The following PLAAT3 variants were observed in gnomAD, a reference collection of about 807,000 sequenced individuals.
PLAAT3 encodes the protein phospholipase A and acyltransferase 3.
PLAAT3 carries 21 observed loss-of-function variants against 16.7 expected under a neutral mutation model. The observed-to-expected ratio is 1.26, with a 90% CI of 0.89 to 1.81. The LOEUF is 1.81. Ranked by LOEUF, PLAAT3 falls within the 40% of genes most tolerant of loss-of-function variation. PLAAT3 has a pLI of 0.00. For missense variants in PLAAT3, 219 were observed against 213.7 expected, an observed-to-expected ratio of 1.02 and a Z score of -0.16; for synonymous variants, 76 against 81.7, an observed-to-expected ratio of 0.93 and a Z score of 0.38.
chr11:63,597,426 T>G (rs1938317268), intron 3 of PLAAT3, among the ~76,000 whole-genome samples: 1 of 152,074 alleles, frequency 6.6e-6, no homozygotes, highest in South Asian at 2.1e-4. Flanking sequence ...CTCAGGAGGC[T>G]GAGGCAGGAG....
chr11:63,578,159 T>C (rs1334515252), intron 4 of PLAAT3, among the ~76,000 whole-genome samples: 2 of 151,970 alleles, frequency 1.3e-5, no homozygotes, highest in Non-Finnish European at 2.9e-5. Flanking sequence ...GGTGCGCGCC[T>C]GTAATCCCAG....
intron 2 of PLAAT3, among the ~76,000 whole-genome samples, chr11:63,612,007 G>A (rs542476279): frequency 1.7e-4 from 26 of 152,058 alleles, no homozygotes; most frequent in African/African-American, 3.4e-4. Context: ...GCGCGGTGGC[G>A]CATGCCTGTA....
chr11:63,600,587 T>TTTTTGTTTTTTTTTG (rs1938401114), intron 2 of PLAAT3, among the ~76,000 whole-genome samples: 4 of 148,318 alleles, frequency 2.7e-5, no homozygotes, highest in African/African-American at 1.0e-4. Flanking sequence ...TTTTTTGTTT[T>TTTTTGTTTTTTTTTG]TTTTGTTTTG....
intron 4 of PLAAT3, among the ~76,000 whole-genome samples, chr11:63,582,205 G>A (rs983232397): frequency 2.6e-5 from 4 of 152,158 alleles, no homozygotes; most frequent in Admixed American, 2.6e-4. Context: ...GCAACTTCTG[G>A]AGGATGTGAT....
chr11:63,590,097 C>T lies in PLAAT3; in HGVS notation c.387+3G>A. 1 of 1,612,612 alleles carries T rather than the reference C, an allele frequency of 6.2e-7. No homozygotes were observed. The highest frequency in any genetic ancestry group is 8.5e-7 in the Non-Finnish European group (1 of 1,179,048). ...GGGAAGGCGACACAGGCAGAGGACG[C>T]ACCTGGTCACTGCGGGCGACTCCAT... On this transcript the variant is annotated splice_donor_region_variant and intron_variant, in intron 4 of 4. Transcript: ENST00000415826.
At chr11:63,586,693 G>A (rs1191107635) in intron 4 of PLAAT3, among the ~76,000 whole-genome samples, 1 of 151,650 alleles carries the variant, frequency 6.6e-6, no homozygotes, top group Non-Finnish European at 1.5e-5. Context: ...TATCATGTTT[G>A]TCTTTCTTAT....
intron 2 of PLAAT3, among the ~76,000 whole-genome samples, chr11:63,600,370 G>A (rs896217140): frequency 8.5e-5 from 13 of 152,056 alleles, no homozygotes; most frequent in South Asian, 6.2e-4. Flanking sequence ...AAAGTATTCC[G>A]TTATCTAAAA....
intron 3 of PLAAT3, among the ~76,000 whole-genome samples, chr11:63,590,788 T>C (rs1011946098): frequency 6.6e-6 from 1 of 152,168 alleles, no homozygotes; most frequent in East Asian, 1.9e-4. Context: ...TGGCTGGGTT[T>C]TCCAGAGTCC....
intron 3 of PLAAT3, among the ~76,000 whole-genome samples, chr11:63,591,276 G>A (rs535858129): frequency 1.2e-4 from 18 of 152,338 alleles, no homozygotes; most frequent in Non-Finnish European, 2.2e-4. Context: ...CAGCTACTCA[G>A]GAGGCTGAGG....
chr11:63,587,692 T>C (rs188521762), intron 4 of PLAAT3, among the ~76,000 whole-genome samples: 18 of 151,906 alleles, frequency 1.2e-4, no homozygotes, highest in Admixed American at 6.6e-4. Context: ...GTAGCTGGGA[T>C]TACAGGCGCA....
At chr11:63,594,267 G>T (rs1220459541) in intron 3 of PLAAT3, among the ~76,000 whole-genome samples, 1 of 152,198 alleles carries the variant, frequency 6.6e-6, no homozygotes, top group Non-Finnish European at 1.5e-5. Context: ...GCTGAAGGGG[G>T]ATGTAAATTG....
chr11:63,577,002 G>A (rs1487993047), intron 4 of PLAAT3, among the ~76,000 whole-genome samples: 1 of 152,172 alleles, frequency 6.6e-6, no homozygotes, highest in African/African-American at 2.4e-5. Flanking sequence ...ACAAATTTAA[G>A]AGGAGAAATT....
In PLAAT3 at chr11:63,598,797, C is replaced by T. The variant is rs188443033; in HGVS notation, c.16-634G>A. On this transcript the variant is annotated intron_variant, in intron 2 of 4. Transcript: ENST00000415826. The stretch of plus-strand genomic sequence containing the variant: ...GGCCTAATGGAGAACTGGCATCAGT[C>T]TCCAGCAGTAATGTCCCCCGGCTGC... 70 of 490,738 alleles carry T rather than the reference C, an allele frequency of 1.4e-4. 1 individual carries two copies. In the East Asian group the frequency reaches 3.9e-3, roughly 27 times the overall value. The allele number at this position is 490,738 out of a possible 1,614,324, so 30.4% of individuals were successfully genotyped here. A position where few individuals can be genotyped will look rare whatever the true frequency, so the allele number is the denominator to read the frequency against.
At chr11:63,615,136 A>ATATG (rs1555047885), upstream of PLAAT3, among the ~76,000 whole-genome samples, 2 of 4,416 alleles carry the variant, frequency 4.5e-4, no homozygotes, top group Admixed American at 3.9e-3. Flanking sequence ...ATATATGTAT[A>ATATG]TGTGTATATG....
In PLAAT3 at chr11:63,596,441, G is replaced by A. The variant is rs183151995; in HGVS notation, c.118+1620C>T. Among the ~76,000 whole-genome samples, 366 of 151,824 alleles carry A rather than the reference G, an allele frequency of 2.4e-3. 3 individuals are homozygous for A. Among genetic ancestry groups the A allele is most frequent in the Admixed American group, 1.8e-3 (27 of 15,198 alleles). On this transcript the variant is annotated intron_variant, in intron 3 of 4. Coordinates refer to ENST00000415826, the MANE Select transcript of PLAAT3 (RefSeq NM_001128203.2). ...CTCGGCAGTGGGGAGGGATGGTTTC[G>A]GGATGATTCAAGCACATGACATTTA...
intron 3 of PLAAT3, among the ~76,000 whole-genome samples, chr11:63,593,559 T>C (rs901275106): frequency 6.6e-6 from 1 of 152,002 alleles, no homozygotes; most frequent in African/African-American, 2.4e-5. Flanking sequence ...TGATGCTTTG[T>C]TTTGGTTTGG....
chr11:63,615,120 G>GTATA (rs1454346820), upstream of PLAAT3, among the ~76,000 whole-genome samples: 56 of 31,050 alleles, frequency 1.8e-3, 15 homozygotes, highest in East Asian at 0.011. Context: ...GTGTATATAT[G>GTATA]TGTGTATATA....
chr11:63,598,278 T>C (rs1222700574), intron 2 of PLAAT3, 115 bp from the exon 3 acceptor site: 3 of 704,554 alleles, frequency 4.3e-6, no homozygotes, highest in African/African-American at 1.7e-5. Flanking sequence ...GCAGAACATA[T>C]GTCCTGAGCC....
Position 63,614,058 on chromosome 11 carries a change from T to A in PLAAT3, c.-44A>T, listed in dbSNP as rs760182104. 4 of 1,613,248 alleles carry A rather than the reference T, an allele frequency of 2.5e-6. No homozygotes were observed. The highest frequency in any genetic ancestry group is 3.4e-6 in the Non-Finnish European group (4 of 1,179,610). ...CCCTCAAGGCCAGGCTCGATTTCGC[T>A]GCGTAGATGTCTGAGGCAGGGGGAG... On this transcript the variant is annotated 5_prime_UTR_variant, in exon 2 of 5. Transcript: ENST00000415826.
Sources: gnomAD v4.1 joint callset for allele counts (sites outside exome capture counted in the v4.1 genomes callset) on GRCh38, gnomAD v4.1.1 for gene constraint, MANE v1.5 for transcripts, NCBI Gene and HGNC (gene_info 2026-07-23, HGNC 2026-07-21) for gene names.